SQLE: variants seen among roughly 807,000 people sequenced by gnomAD.
SQLE encodes the protein squalene epoxidase.
In SQLE, 29 loss-of-function variants were observed where a neutral mutation model predicts 60.7. That is an observed-to-expected ratio of 0.48 (90% CI 0.36 to 0.65). The LOEUF (loss-of-function observed/expected upper bound fraction) is 0.65. SQLE is among the 30% of genes least tolerant of loss of function. The probability of loss-of-function intolerance (pLI) is 0.00; values close to 1 mark genes in which losing one functional copy is unlikely to be tolerated. For missense variants in SQLE, 605 were observed against 684.1 expected, an observed-to-expected ratio of 0.88 and a Z score of 1.29; for synonymous variants, 237 against 246.8, an observed-to-expected ratio of 0.96 and a Z score of 0.37.
At chr8:125,018,000 C>G (rs978338108) in intron 7 of SQLE, 59 bp from the exon 8 acceptor site, 9 of 1,544,444 alleles carry the variant, frequency 5.8e-6, no homozygotes, top group Middle Eastern at 1.7e-4. Flanking sequence ...TTGAGTTATC[C>G]TTTTTGTTTT....
At position 124,999,457 on chromosome 8, in the gene SQLE, G is replaced by A; in HGVS notation, c.54G>A (p.Gly18=). The A allele has an allele frequency of 6.5e-7, 1 of 1,548,872 alleles. No individual in the cohort carries two copies. The highest frequency in any genetic ancestry group is 1.2e-5 in the South Asian group (1 of 82,514). The stretch of plus-strand genomic sequence containing the variant: ...TCACCTATTTTTATAAGAAGTTCGG[G>A]GACTTCATCACTTTGGCCAACAGGG... ...ATFTYFYKKF[G]DFITLANREV... The change falls in exon 1 of 11, where the codon GGG becomes GGA. Residue 18 remains glycine, a synonymous_variant. Transcript: ENST00000265896.
Position 124,999,270 on chromosome 8 carries a change from T to G in SQLE, c.-134T>G. 2 of 830,618 alleles carry G rather than the reference T, an allele frequency of 2.4e-6. No individual in the cohort carries two copies. The highest frequency in any genetic ancestry group is 3.3e-6 in the Non-Finnish European group (2 of 602,980). The allele number at this position is 830,618 out of a possible 1,614,324, so 51.5% of individuals were successfully genotyped here. On this transcript the variant is annotated 5_prime_UTR_variant, in exon 1 of 11. Coordinates refer to ENST00000265896, the MANE Select transcript of SQLE (RefSeq NM_003129.4). ...AAAACTGGTCTGATCGGACTTCTCG[T>G]CCTGGGACACTGTTTACTGGAGTCT...
chr8:124,999,652 C>T lies in SQLE; in HGVS notation c.249C>T (p.Ser83=), dbSNP rs1179116942. 8 of 1,609,270 alleles carry T rather than the reference C, an allele frequency of 5.0e-6. No individual in the cohort carries two copies. Among genetic ancestry groups the T allele is most frequent in the Non-Finnish European group, 6.8e-6 (8 of 1,177,586 alleles). The part of the protein sequence containing the change: ...LPFIGFFWAK[S]PPESENKEQL... ...TCATTGGCTTCTTCTGGGCCAAATCCCCCCCTGAATCAGAAAATAAGGAGC... is the reference window on the plus strand; with the variant it reads ...TCATTGGCTTCTTCTGGGCCAAATCTCCCCCTGAATCAGAAAATAAGGAGC... The change falls in exon 1 of 11, where the codon TCC becomes TCT. Residue 83 remains serine, a synonymous_variant. Coordinates refer to ENST00000265896, the MANE Select transcript of SQLE (RefSeq NM_003129.4).
intron 7 of SQLE, among the ~76,000 whole-genome samples, chr8:125,017,147 T>C (rs1275875581): frequency 6.6e-6 from 1 of 151,912 alleles, no homozygotes; most frequent in East Asian, 1.9e-4. Context: ...CCCTCAAGAC[T>C]CAAGAGCTCT....
rs111866387 is a variant in SQLE at position 125,008,946 on chromosome 8, T to C, written c.823-25T>C. On this transcript the variant is annotated intron_variant, in intron 4 of 10. Coordinates refer to ENST00000265896, the MANE Select transcript of SQLE (RefSeq NM_003129.4). ...TACTGTGTGTTTCTGACTACTAAAC[T>C]GAGTAGTCTTCATTTCTGTTATAGG... The C allele has an allele frequency of 7.4e-6, 11 of 1,491,922 alleles. No individual in the cohort carries two copies. In the African/African-American group the frequency reaches 8.4e-5, roughly 11 times the overall value. 92.4% of individuals were successfully genotyped at this position (1,491,922 alleles called of 1,614,324 possible).
intron 7 of SQLE, among the ~76,000 whole-genome samples, chr8:125,015,538 A>G (rs564822817): frequency 6.6e-6 from 1 of 151,808 alleles, no homozygotes; most frequent in South Asian, 2.1e-4. Flanking sequence ...TTTTTTGCCT[A>G]CCTCTTGTAG....
chr8:125,005,584 A>T lies in SQLE; in HGVS notation c.604A>T (p.Ser202Cys). 6.2e-7 allele frequency: 1 copy of T among 1,612,196 alleles called. No individual in the cohort carries two copies. The highest frequency in any genetic ancestry group is 8.5e-7 in the Non-Finnish European group (1 of 1,178,748). The stretch of plus-strand genomic sequence containing the variant: ...TGGTTACATGATTCATGATCAGGAA[A>T]GCAAATCAGAGGTTCAGATTCCTTA... ...VNGYMIHDQE[S>C]KSEVQIPYPL... The change falls in exon 3 of 11, where the codon AGC becomes TGC. Residue 202 changes from serine (S) to cysteine (C), a missense_variant. Transcript: ENST00000265896.
In SQLE at chr8:125,018,206, G is replaced by T; in HGVS notation, c.1347+5G>T. On this transcript the variant is annotated splice_donor_5th_base_variant and intron_variant, in intron 8 of 10. Coordinates refer to ENST00000265896, the MANE Select transcript of SQLE (RefSeq NM_003129.4). ...GATGATGCAGCTATTTTCGAGGTAA[G>T]ATCAATTATTTTGACAAAAATGTCT... is the stretch of plus-strand genomic sequence containing the variant. 6.2e-7 allele frequency: 1 copy of T among 1,607,782 alleles called. No homozygotes were observed. Among genetic ancestry groups the T allele is most frequent in the South Asian group, 1.1e-5 (1 of 89,832 alleles).
At chr8:125,005,414 C>T in intron 2 of SQLE, 111 bp from the exon 3 acceptor site, 1 of 977,260 alleles carries the variant, frequency 1.0e-6, no homozygotes, top group Non-Finnish European at 1.4e-6. Flanking sequence ...TTCAGTTCTC[C>T]AGATTTGAAG....
In SQLE at chr8:124,998,601, T is replaced by A; in HGVS notation, c.-803T>A. The A allele has an allele frequency of 1.5e-6, 1 of 686,484 alleles. No individual in the cohort carries two copies. The highest frequency in any genetic ancestry group is 2.6e-6 in the Non-Finnish European group (1 of 377,580). The allele number at this position is 686,484 out of a possible 1,614,324, so 42.5% of individuals were successfully genotyped here. The stretch of plus-strand genomic sequence containing the variant: ...GGCGAGAGCCGCCGCCCGCGAGGGA[T>A]GCTGGTGAGGAAGCCGTCGGGAGCC... On this transcript the variant is annotated 5_prime_UTR_variant, in exon 1 of 11. An upstream start codon of the reference 5' UTR is lost. Coordinates refer to ENST00000265896, the MANE Select transcript of SQLE (RefSeq NM_003129.4).
Position 125,003,436 on chromosome 8 carries a change from C to G in SQLE, c.544+8C>G. On this transcript the variant is annotated splice_region_variant and intron_variant, in intron 2 of 10. Coordinates refer to ENST00000265896, the MANE Select transcript of SQLE (RefSeq NM_003129.4). Reference sequence around the variant, plus strand: ...AAGACCTTGGTCTTGGAGGTAGGTTCATATTGATTTTCAGGAGAGTTACGT... The same window carrying G: ...AAGACCTTGGTCTTGGAGGTAGGTTGATATTGATTTTCAGGAGAGTTACGT... 1 of 1,612,928 alleles carries G rather than the reference C, an allele frequency of 6.2e-7. No homozygotes were observed. Among genetic ancestry groups the G allele is most frequent in the Non-Finnish European group, 8.5e-7 (1 of 1,179,208 alleles).
Position 125,005,423 on chromosome 8 carries a change from A to G in SQLE, c.545-102A>G, listed in dbSNP as rs1053920345. ...GTTTTGTTCAGTTCTCCAGATTTGA[A>G]GGCAGAGACTCATTTTTGATGTGTG... On this transcript the variant is annotated intron_variant, in intron 2 of 10. Transcript: ENST00000265896. 5 of 1,049,686 alleles carry G rather than the reference A, an allele frequency of 4.8e-6. No homozygotes were observed. The African/African-American group carries it at 8.1e-5, about 17-fold the overall frequency. 65.0% of individuals were successfully genotyped at this position (1,049,686 alleles called of 1,614,324 possible).
chr8:125,022,064 C>T lies in SQLE; in HGVS notation c.*119C>T. The T allele has an allele frequency of 1.6e-6, 1 of 637,146 alleles. No homozygotes were observed. The highest frequency in any genetic ancestry group is 4.3e-5 in the Admixed American group (1 of 23,338). 39.5% of individuals were successfully genotyped at this position (637,146 alleles called of 1,614,324 possible). On this transcript the variant is annotated 3_prime_UTR_variant, in exon 11 of 11. Transcript: ENST00000265896. ...ACTTATAAAGTGGAAACTCTTGGAC[C>T]AAGATTTGGATTAATTTGTTTTTGA...
rs144044272 is a variant in SQLE, at chr8:125,005,039, C to A, written c.545-486C>A. 1.8e-3 allele frequency among the ~76,000 whole-genome samples: 277 copies of A among 152,100 alleles called. 1 individual carries two copies. The highest frequency in any genetic ancestry group is 6.1e-3 in the African/African-American group (253 of 41,516). On this transcript the variant is annotated intron_variant, in intron 2 of 10. Transcript: ENST00000265896. Reference sequence around the variant, plus strand: ...CAGTTGGGGGATAACTCTACCCTTTCCATTTGGTTTGGAAAATCTACTTTT... The same window carrying A: ...CAGTTGGGGGATAACTCTACCCTTTACATTTGGTTTGGAAAATCTACTTTT...
At position 125,011,629 on chromosome 8, in the gene SQLE, C is replaced by T; in HGVS notation, c.1201C>T (p.Arg401Ter). 1.3e-6 allele frequency: 2 copies of T among 1,568,108 alleles called. No homozygotes were observed. Reference protein sequence around the residue: ...SFLPPSSVKKRGVLLLGDAYN... With the variant: ...SFLPPSSVKK ...CCTTCCTCCTTCATCAGTGAAGAAA[C>T]GAGGTATTATTTTTTGGGCTTATTT... The change falls in exon 7 of 11, where the codon CGA (arginine) becomes TGA (stop). Residue 401 changes from arginine to a stop codon, truncating the protein, a stop_gained. Coordinates refer to ENST00000265896, the MANE Select transcript of SQLE (RefSeq NM_003129.4). LOFTEE classifies it high-confidence loss of function.
In SQLE at chr8:124,999,559, TCTC is replaced by T. The variant is rs768644641; in HGVS notation, c.160_162del (p.Leu54del). ...ACCGCTGTCGCCACCGAAACGGGGGTCTCCTCGGGCGCCAGCAGAGCGGCTCCC... is the reference window on the plus strand; with the variant it reads ...ACCGCTGTCGCCACCGAAACGGGGGTCTCGGGCGCCAGCAGAGCGGCTCCC... On this transcript the variant is annotated inframe_deletion, in exon 1 of 11. Coordinates refer to ENST00000265896, the MANE Select transcript of SQLE (RefSeq NM_003129.4). 2.5e-6 allele frequency: 4 copies of T among 1,612,728 alleles called. No homozygotes were observed. The South Asian group carries it at 3.3e-5, about 13-fold the overall frequency.
intron 6 of SQLE, chr8:125,010,846 T>G (rs1386603009): frequency 6.6e-6 from 1 of 151,674 alleles, no homozygotes; most frequent in Non-Finnish European, 1.5e-5. Context: ...AGAGAAACCA[T>G]TGGTAGGTTT....
chr8:125,011,408 C>T (rs1815037861), intron 6 of SQLE, 129 bp from the exon 7 acceptor site: 2 of 599,886 alleles, frequency 3.3e-6, no homozygotes, highest in East Asian at 3.0e-5. Flanking sequence ...TGATTTATCA[C>T]AAGGGATATA....
intron 2 of SQLE, among the ~76,000 whole-genome samples, chr8:125,004,900 AT>A (rs1814923095): frequency 6.6e-6 from 1 of 152,136 alleles, no homozygotes; most frequent in Admixed American, 6.5e-5. Flanking sequence ...AAGTTTTTAC[AT>A]GATTCTGATG....
Sources: allele counts gnomAD v4.1 joint callset (sites outside exome capture counted in the v4.1 genomes callset), GRCh38; gene constraint gnomAD v4.1.1; transcripts MANE v1.5; gene names NCBI Gene and HGNC (gene_info 2026-07-23, HGNC 2026-07-21).